Variants in MTA3 observed in about 807,000 individuals in gnomAD.
The protein encoded by MTA3 is metastasis-associated protein MTA3.
A neutral mutation model predicts 83.5 loss-of-function variants in MTA3; 34 were observed. The ratio of observed to expected loss-of-function variants is 0.41; its 90% CI spans 0.31 to 0.54. MTA3 has a LOEUF of 0.54. MTA3 is among the 20% of genes least tolerant of loss of function. The pLI, the probability that MTA3 is intolerant of heterozygous loss-of-function variation, is 0.33. For synonymous variants in MTA3, 303 were observed against 252.7 expected (o/e 1.20, Z -1.89); for missense variants, 761 against 726.4 (o/e 1.05, Z -0.55).
At position 42,739,996 on chromosome 2, in the gene MTA3, C is replaced by T. The variant is rs542199346; in HGVS notation, c.1760-13378C>T. Among the ~76,000 whole-genome samples the T allele has an allele frequency of 2.1e-4, 32 of 152,332 alleles. 1 individual carries two copies. The South Asian group carries it at 6.4e-3, about 31-fold the overall frequency. The stretch of plus-strand genomic sequence containing the variant: ...TCCTCCACTGAAGTCCTGAACCTTT[C>T]AAAGTTATCCATGAGGGTTGGAATC... On this transcript the variant is annotated intron_variant, in intron 16 of 16. Transcript: ENST00000405094.
chr2:42,695,444 A>G (rs999933401), intron 9 of MTA3, among the ~76,000 whole-genome samples: 1 of 151,666 alleles, frequency 6.6e-6, no homozygotes, highest in Admixed American at 6.6e-5. Context: ...AGACCAGCCT[A>G]ACCAACATGG....
chr2:42,653,631 G>A (rs12996750), intron 6 of MTA3, among the ~76,000 whole-genome samples: 116,158 of 152,086 alleles, frequency 0.76, 44,867 homozygotes, highest in South Asian at 0.88. Flanking sequence ...ATGGTTGTCT[G>A]TGTTTTTGGT....
At position 42,640,190 on chromosome 2, in the gene MTA3, C is replaced by T. The variant is rs371416862; in HGVS notation, c.335C>T (p.Ala112Val). ...TTCAACAGGGGAAAGTGCAGTGTTG[C>T]CCTTCTGAATGAGACAGAATCAGTA... The part of the protein sequence containing the change: ...ATHIRGKCSV[A>V]LLNETESVLS... The change falls in exon 5 of 17, where the codon GCC (alanine) becomes GTC (valine). Residue 112 changes from alanine (A) to valine (V), a missense_variant. By Grantham distance (64) the Ala-to-Val change is moderately conservative (BLOSUM62 0). Coordinates refer to ENST00000405094, the MANE Select transcript of MTA3 (RefSeq NM_001330442.2). 4.4e-6 allele frequency: 7 copies of T among 1,606,808 alleles called. No individual in the cohort carries two copies. In the African/African-American group the frequency reaches 8.0e-5, roughly 18 times the overall value.
At chr2:42,676,902 G>T (rs889949624) in intron 8 of MTA3, among the ~76,000 whole-genome samples, 16 of 152,066 alleles carry the variant, frequency 1.1e-4, no homozygotes, top group Non-Finnish European at 2.4e-4. Context: ...AACTGAAAAG[G>T]TCCCTAAATG....
intron 16 of MTA3, among the ~76,000 whole-genome samples, chr2:42,729,193 T>C (rs1573784545): frequency 7.3e-6 from 1 of 137,626 alleles, no homozygotes; most frequent in Non-Finnish European, 1.5e-5. Context: ...TTCCGGGGGG[T>C]TCATGCAATT....
intron 6 of MTA3, among the ~76,000 whole-genome samples, chr2:42,655,680 G>T (rs1689102499): frequency 6.6e-6 from 1 of 152,164 alleles, no homozygotes. Flanking sequence ...TCAGCTCACT[G>T]CAACCTCTAC....
At chr2:42,661,002 T>C (rs1689641714) in intron 8 of MTA3, among the ~76,000 whole-genome samples, 1 of 152,226 alleles carries the variant, frequency 6.6e-6, no homozygotes, top group Non-Finnish European at 1.5e-5. Context: ...TTATGCATTT[T>C]GTGTACTTCT....
intron 4 of MTA3, among the ~76,000 whole-genome samples, chr2:42,615,250 CTGTT>C (rs1161988295): frequency 6.7e-6 from 1 of 149,682 alleles, no homozygotes; most frequent in Non-Finnish European, 1.5e-5. Flanking sequence ...GATCTATTGT[CTGTT>C]TTTTTCTTTT....
intron 12 of MTA3, among the ~76,000 whole-genome samples, chr2:42,707,381 C>T (rs1449954450): frequency 1.3e-5 from 2 of 151,960 alleles, no homozygotes; most frequent in African/African-American, 4.8e-5. Flanking sequence ...GTAGCTAGGA[C>T]TACAGGTGCG....
chr2:42,555,446 A>T (rs1377172152), intron 2 of MTA3, among the ~76,000 whole-genome samples: 1 of 93,596 alleles, frequency 1.1e-5, no homozygotes, highest in Non-Finnish European at 1.9e-5. Context: ...CAAGAGCGAA[A>T]CTCCATCTCA....
At chr2:42,527,777 C>T (rs1238049773) in intron 2 of MTA3, among the ~76,000 whole-genome samples, 1 of 151,558 alleles carries the variant, frequency 6.6e-6, no homozygotes, top group Non-Finnish European at 1.5e-5. Context: ...GTCACTTGAG[C>T]CCAGAAGGGT....
Position 42,675,816 on chromosome 2 carries a change from G to A in MTA3, c.703-6585G>A, listed in dbSNP as rs115708667. On this transcript the variant is annotated intron_variant, in intron 8 of 16. Coordinates refer to ENST00000405094, the MANE Select transcript of MTA3 (RefSeq NM_001330442.2). ...TTTTGTCTCTTCTGTTATAGAAACT[G>A]TATTCATGTAAAGCTCTTAAGGGTA... 6.5e-3 allele frequency among the ~76,000 whole-genome samples: 991 copies of A among 152,230 alleles called. 10 individuals carry two copies. The highest frequency in any genetic ancestry group is 0.022 in the African/African-American group (901 of 41,546).
intron 6 of MTA3, among the ~76,000 whole-genome samples, chr2:42,647,163 A>AAAAACAAAAAAAAC (rs1558539967): frequency 6.6e-6 from 1 of 150,980 alleles, no homozygotes; most frequent in East Asian, 1.9e-4. Flanking sequence ...TCTAAAAAAA[A>AAAAACAAAAAAAAC]AAAACAAAAA....
chr2:42,679,272 C>T (rs944902736), intron 8 of MTA3, among the ~76,000 whole-genome samples: 3 of 152,206 alleles, frequency 2.0e-5, no homozygotes, highest in African/African-American at 7.2e-5. Context: ...CACTCCCCTT[C>T]TCATCCCAAC....
At chr2:42,594,799 T>C (rs1681565428) in intron 3 of MTA3, among the ~76,000 whole-genome samples, 1 of 138,664 alleles carries the variant, frequency 7.2e-6, no homozygotes, top group Non-Finnish European at 1.5e-5. Flanking sequence ...CGATCTCAGC[T>C]CACTGTAAGC....
chr2:42,553,128 A>G (rs1677197234), intron 2 of MTA3, among the ~76,000 whole-genome samples: 1 of 151,814 alleles, frequency 6.6e-6, no homozygotes, highest in African/African-American at 2.4e-5. Flanking sequence ...AAATTTTTAA[A>G]AAATTAGGCT....
intron 4 of MTA3, among the ~76,000 whole-genome samples, chr2:42,609,916 C>T (rs1410438802): frequency 1.3e-5 from 2 of 152,010 alleles, no homozygotes; most frequent in African/African-American, 2.4e-5. Flanking sequence ...CTGGCCAACA[C>T]GGTGAAACCC....
At chr2:42,741,914 A>C (rs900451514) in intron 16 of MTA3, among the ~76,000 whole-genome samples, 1 of 152,240 alleles carries the variant, frequency 6.6e-6, no homozygotes, top group Non-Finnish European at 1.5e-5. Flanking sequence ...TGGTGTCAAT[A>C]GACTTGTTTA....
chr2:42,737,312 G>T (rs2104574761), intron 16 of MTA3, among the ~76,000 whole-genome samples: 1 of 152,304 alleles, frequency 6.6e-6, no homozygotes, highest in South Asian at 2.1e-4. Flanking sequence ...CAACTGCTGG[G>T]ATGAGCTATT....
Sources: gnomAD v4.1 joint callset for allele counts (sites outside exome capture counted in the v4.1 genomes callset) on GRCh38, gnomAD v4.1.1 for gene constraint, MANE v1.5 for transcripts, NCBI Gene and HGNC (gene_info 2026-07-23, HGNC 2026-07-21) for gene names.